Variants in MYT1L observed in about 807,000 individuals in gnomAD.
MYT1L encodes the protein myelin transcription factor 1 like.
A neutral mutation model predicts 126.7 loss-of-function variants in MYT1L; 12 were observed. The observed-to-expected ratio is 0.09, with a 90% CI of 0.06 to 0.15. MYT1L has a LOEUF of 0.15. Ranked by LOEUF, MYT1L falls within the 10% of genes least tolerant of loss-of-function variation. The pLI is 1.00. For synonymous variants in MYT1L, 541 were observed against 604.2 expected (o/e 0.90, Z 1.53); for missense variants, 979 against 1,585.2 (o/e 0.62, Z 6.49).
chr2:2,244,040 A>T (rs2094486250), intron 2 of MYT1L, among the ~76,000 whole-genome samples: 1 of 152,142 alleles, frequency 6.6e-6, no homozygotes, highest in Non-Finnish European at 1.5e-5. Context: ...ATAATAAAAT[A>T]CTCACACAAT....
At chr2:2,312,946 G>A (rs368070514) in intron 1 of MYT1L, among the ~76,000 whole-genome samples, 1 of 152,160 alleles carries the variant, frequency 6.6e-6, no homozygotes, top group East Asian at 1.9e-4. Flanking sequence ...TGATGAATTA[G>A]CTGATGGTTG....
intron 21 of MYT1L, among the ~76,000 whole-genome samples, chr2:1,813,610 C>T (rs549158622): frequency 6.6e-6 from 1 of 152,206 alleles, no homozygotes; most frequent in South Asian, 2.1e-4. Context: ...CTCCCAGGAG[C>T]GCAAACGCTA....
At chr2:1,834,954 G>A (rs1456399072) in intron 21 of MYT1L, among the ~76,000 whole-genome samples, 2 of 106,008 alleles carry the variant, frequency 1.9e-5, no homozygotes, top group African/African-American at 1.1e-4. Context: ...CATAACACGG[G>A]GATGGATACA....
At chr2:2,020,604 A>G (rs564387326) in intron 4 of MYT1L, among the ~76,000 whole-genome samples, 2 of 152,034 alleles carry the variant, frequency 1.3e-5, no homozygotes, top group South Asian at 4.2e-4. Context: ...GTTTATATGC[A>G]CTCTGCATAC....
chr2:2,244,890 C>T (rs1408202146), intron 2 of MYT1L, among the ~76,000 whole-genome samples: 2 of 152,168 alleles, frequency 1.3e-5, no homozygotes, highest in African/African-American at 4.8e-5. Flanking sequence ...GCTGAGATGG[C>T]TACCATATTA....
chr2:2,055,991 G>C (rs2069493704), intron 3 of MYT1L, among the ~76,000 whole-genome samples: 1 of 152,230 alleles, frequency 6.6e-6, no homozygotes, highest in African/African-American at 2.4e-5. Flanking sequence ...AGCAGCCGCA[G>C]TCCCAGTGCC....
chr2:1,809,368 G>A (rs936152174), intron 21 of MYT1L, among the ~76,000 whole-genome samples: 1 of 152,210 alleles, frequency 6.6e-6, no homozygotes, highest in Non-Finnish European at 1.5e-5. Context: ...GTGCACTCAT[G>A]CATGTGGTGA....
intron 4 of MYT1L, among the ~76,000 whole-genome samples, chr2:2,041,585 CAG>C (rs1444792648): frequency 1.3e-5 from 2 of 152,150 alleles, no homozygotes; most frequent in African/African-American, 4.8e-5. Context: ...GCTTCTGGGG[CAG>C]AGAGTGTTTG....
intron 3 of MYT1L, among the ~76,000 whole-genome samples, chr2:2,160,180 G>GT (rs2087618896): frequency 6.6e-6 from 1 of 152,094 alleles, no homozygotes; most frequent in African/African-American, 2.4e-5. Context: ...TTTCATCATC[G>GT]TGAGTAGCAT....
At chr2:1,957,911 G>A (rs1298675604) in intron 8 of MYT1L, among the ~76,000 whole-genome samples, 1 of 152,138 alleles carries the variant, frequency 6.6e-6, no homozygotes, top group Non-Finnish European at 1.5e-5. Flanking sequence ...ACTCATTTAA[G>A]GTGAACGACG....
At chr2:1,851,762 T>A in intron 18 of MYT1L, 59 bp from the exon 19 acceptor site, 1 of 1,517,992 alleles carries the variant, frequency 6.6e-7, no homozygotes, top group Non-Finnish European at 9.1e-7. Context: ...CCTGAACAAT[T>A]AACTTTTTTT....
chr2:2,123,784 G>GT (rs1213859134), intron 3 of MYT1L, among the ~76,000 whole-genome samples: 1 of 152,212 alleles, frequency 6.6e-6, no homozygotes, highest in African/African-American at 2.4e-5. Flanking sequence ...ATCTTGGATA[G>GT]TGGAGGGCCC....
rs113284119 is a variant in MYT1L, at chr2:2,007,732, C to A, written c.-157-10385G>T. ...GAGGTGGTAACTTATGATGAAACCA[C>A]CTTTGATAAATGGTAACAGTGAGAA... is the stretch of plus-strand genomic sequence containing the variant. On this transcript the variant is annotated intron_variant, in intron 4 of 24. Coordinates refer to ENST00000647738, the MANE Select transcript of MYT1L (RefSeq NM_001303052.2). Among the ~76,000 whole-genome samples the A allele has an allele frequency of 4.3e-3, 649 of 152,226 alleles. 4 individuals are homozygous for A. The highest frequency in any genetic ancestry group is 7.8e-3 in the Non-Finnish European group (533 of 68,008).
At chr2:2,271,703 C>A (rs567248429) in intron 2 of MYT1L, among the ~76,000 whole-genome samples, 46 of 152,300 alleles carry the variant, frequency 3.0e-4, no homozygotes, top group Non-Finnish European at 5.3e-4. Flanking sequence ...CGAGGGCCTG[C>A]ATCCTGGCTG....
intron 1 of MYT1L, among the ~76,000 whole-genome samples, chr2:2,306,342 G>A (rs1005679777): frequency 1.3e-5 from 2 of 152,074 alleles, no homozygotes; most frequent in Non-Finnish European, 2.9e-5. Context: ...GGTATCAAAT[G>A]GTCCAAAGGA....
intron 3 of MYT1L, among the ~76,000 whole-genome samples, chr2:2,090,923 T>C (rs898074633): frequency 3.3e-5 from 5 of 152,168 alleles, no homozygotes; most frequent in African/African-American, 9.6e-5. Context: ...AGATTGATCA[T>C]GAGATTGCAG....
At chr2:2,300,830 T>C (rs1216886591) in intron 1 of MYT1L, among the ~76,000 whole-genome samples, 1 of 152,132 alleles carries the variant, frequency 6.6e-6, no homozygotes, top group Non-Finnish European at 1.5e-5. Flanking sequence ...CACATCTTAG[T>C]GGACATCAGA....
intron 14 of MYT1L, among the ~76,000 whole-genome samples, chr2:1,895,152 A>G (rs2049416013): frequency 6.6e-6 from 1 of 152,226 alleles, no homozygotes; most frequent in Non-Finnish European, 1.5e-5. Flanking sequence ...CTCACCAAGG[A>G]GGTGAACAAT....
At chr2:1,996,524 G>C (rs1285763521) in intron 5 of MYT1L, among the ~76,000 whole-genome samples, 1 of 146,812 alleles carries the variant, frequency 6.8e-6, no homozygotes, top group Admixed American at 6.8e-5. Context: ...TAGTGAGTGA[G>C]GGCCGCCCTG....
Sources: gnomAD v4.1 joint callset for allele counts (sites outside exome capture counted in the v4.1 genomes callset) on GRCh38, gnomAD v4.1.1 for gene constraint, MANE v1.5 for transcripts, NCBI Gene and HGNC (gene_info 2026-07-23, HGNC 2026-07-21) for gene names.